Variants in MCU observed in about 807,000 individuals in gnomAD.
MCU encodes calcium uniporter protein, mitochondrial.
In MCU, 12 loss-of-function variants were observed where a neutral mutation model predicts 45.2. The observed-to-expected ratio is 0.27, with a 90% CI of 0.17 to 0.43. The LOEUF (loss-of-function observed/expected upper bound fraction) is 0.43, where lower values mean the gene tolerates loss of function less well. MCU is among the 20% of genes least tolerant of loss of function. The pLI is 1.00. For synonymous variants in MCU, 160 were observed against 165.1 expected (o/e 0.97, Z 0.24); for missense variants, 324 against 436.7 (o/e 0.74, Z 2.30).
At chr10:72,842,701 A>T (rs1845065297) in intron 2 of MCU, among the ~76,000 whole-genome samples, 1 of 151,918 alleles carries the variant, frequency 6.6e-6, no homozygotes. Flanking sequence ...AATGGCCATT[A>T]ATTTTGGTTC....
chr10:72,692,690 C>T (rs1185855577), intron 1 of MCU: 5 of 1,224,748 alleles, frequency 4.1e-6, no homozygotes, highest in East Asian at 3.8e-5. Context: ...TTTCCCTCCT[C>T]CTCCGGGCGG....
chr10:72,872,653 T>C (rs946328770), intron 6 of MCU, among the ~76,000 whole-genome samples: 23 of 152,354 alleles, frequency 1.5e-4, no homozygotes, highest in African/African-American at 5.1e-4. Context: ...ATTTTCTTTA[T>C]CCATTCATCC....
At chr10:72,848,891 A>T (rs767572940) in intron 2 of MCU, among the ~76,000 whole-genome samples, 1 of 152,164 alleles carries the variant, frequency 6.6e-6, no homozygotes, top group African/African-American at 2.4e-5. Flanking sequence ...AAGGACTCCA[A>T]TTACAATGTA....
rs531686761 is a variant in MCU at position 72,880,086 on chromosome 10, A to T, written c.862-4180A>T. Among the ~76,000 whole-genome samples, 110 of 152,334 alleles carry T rather than the reference A, an allele frequency of 7.2e-4. 1 individual carries two copies. In the Middle Eastern group the frequency reaches 0.014, roughly 19 times the overall value. On this transcript the variant is annotated intron_variant, in intron 6 of 7. Coordinates refer to ENST00000373053, the MANE Select transcript of MCU (RefSeq NM_138357.3). ...TAAAATTAAATGTGCAACAACAATGACATATATGTCTGGAGCAGGTAAATA... is the reference window on the plus strand; with the variant it reads ...TAAAATTAAATGTGCAACAACAATGTCATATATGTCTGGAGCAGGTAAATA...
chr10:72,850,284 C>T (rs1375552030), intron 2 of MCU, among the ~76,000 whole-genome samples: 5 of 152,178 alleles, frequency 3.3e-5, no homozygotes, highest in Non-Finnish European at 7.3e-5. Context: ...TTATATCTCA[C>T]ACTTATGATG....
intron 1 of MCU, among the ~76,000 whole-genome samples, chr10:72,726,984 T>C (rs559095730): frequency 6.0e-4 from 91 of 152,346 alleles, no homozygotes; most frequent in Non-Finnish European, 9.1e-4. Flanking sequence ...GAAAATATTC[T>C]AATAGACTAG....
intron 1 of MCU, among the ~76,000 whole-genome samples, chr10:72,821,596 A>G (rs959224331): frequency 2.6e-5 from 4 of 152,166 alleles, no homozygotes; most frequent in African/African-American, 4.8e-5. Flanking sequence ...TTACTCCACA[A>G]TGTTTAGGGT....
intron 2 of MCU, among the ~76,000 whole-genome samples, chr10:72,839,291 C>A (rs1227034887): frequency 6.6e-6 from 1 of 152,098 alleles, no homozygotes; most frequent in African/African-American, 2.4e-5. Context: ...TGGCTGGCCA[C>A]AACAATCCAT....
intron 1 of MCU, among the ~76,000 whole-genome samples, chr10:72,772,580 C>A (rs1054116685): frequency 5.9e-5 from 9 of 152,154 alleles, no homozygotes; most frequent in African/African-American, 2.2e-4. Flanking sequence ...ACCTGTAATC[C>A]CAGCTACTCA....
intron 1 of MCU, among the ~76,000 whole-genome samples, chr10:72,757,814 T>A (rs919208583): frequency 6.6e-6 from 1 of 152,230 alleles, no homozygotes; most frequent in African/African-American, 2.4e-5. Flanking sequence ...GGGACAGACC[T>A]TTGTGACAAA....
At chr10:72,822,807 C>T (rs1282571232) in intron 1 of MCU, among the ~76,000 whole-genome samples, 8 of 152,018 alleles carry the variant, frequency 5.3e-5, no homozygotes, top group Admixed American at 5.2e-4. Flanking sequence ...TGCCACCATA[C>T]TCAGCCTGGG....
chr10:72,714,843 G>A (rs1336974167), intron 1 of MCU, among the ~76,000 whole-genome samples: 2 of 152,174 alleles, frequency 1.3e-5, no homozygotes, highest in Non-Finnish European at 2.9e-5. Flanking sequence ...ACTGCGCCCT[G>A]CCCAAATATT....
intron 1 of MCU, among the ~76,000 whole-genome samples, chr10:72,768,148 A>T (rs1452397841): frequency 6.6e-6 from 1 of 152,136 alleles, no homozygotes; most frequent in Non-Finnish European, 1.5e-5. Context: ...AGACTTTTTT[A>T]AAAAAAGAAG....
chr10:72,868,345 T>G (rs1365907406), intron 4 of MCU, among the ~76,000 whole-genome samples: 1 of 152,076 alleles, frequency 6.6e-6, no homozygotes, highest in East Asian at 1.9e-4. Context: ...GCCCGGGAGT[T>G]CGAGACCAGC....
intron 7 of MCU, among the ~76,000 whole-genome samples, chr10:72,884,996 T>A (rs1845757202): frequency 6.6e-6 from 1 of 152,236 alleles, no homozygotes; most frequent in Non-Finnish European, 1.5e-5. Context: ...TAGAGATTTT[T>A]CAGCAATCTC....
chr10:72,739,041 T>C (rs1843288745), intron 1 of MCU, among the ~76,000 whole-genome samples: 1 of 152,238 alleles, frequency 6.6e-6, no homozygotes, highest in African/African-American at 2.4e-5. Flanking sequence ...GACACATAAC[T>C]ATGTGCACTT....
intron 1 of MCU, among the ~76,000 whole-genome samples, chr10:72,783,023 A>G (rs1484025442): frequency 6.6e-6 from 1 of 152,216 alleles, no homozygotes; most frequent in African/African-American, 2.4e-5. Flanking sequence ...ATGCGAAGGG[A>G]GTTTCTGGCC....
intron 1 of MCU, among the ~76,000 whole-genome samples, chr10:72,781,596 G>A (rs1436452844): frequency 6.6e-6 from 1 of 152,182 alleles, no homozygotes; most frequent in Non-Finnish European, 1.5e-5. Context: ...AGATGGTCAT[G>A]TGCATCTGCA....
intron 2 of MCU, among the ~76,000 whole-genome samples, chr10:72,841,173 T>C (rs1324940718): frequency 1.3e-5 from 2 of 152,224 alleles, no homozygotes; most frequent in Non-Finnish European, 1.5e-5. Context: ...TTAACATGCA[T>C]GTTGACACAA....
Sources: allele counts gnomAD v4.1 joint callset (sites outside exome capture counted in the v4.1 genomes callset), GRCh38; gene constraint gnomAD v4.1.1; transcripts MANE v1.5; gene names NCBI Gene and HGNC (gene_info 2026-07-23, HGNC 2026-07-21).